AGFG1: variants seen among roughly 807,000 people sequenced by gnomAD.
AGFG1 encodes arf-GAP domain and FG repeat-containing protein 1.
AGFG1 carries 10 observed loss-of-function variants against 60.6 expected under a neutral mutation model. The ratio of observed to expected loss-of-function variants is 0.16; its 90% CI spans 0.10 to 0.28. AGFG1 has a LOEUF of 0.28. AGFG1 is among the 10% of genes least tolerant of loss of function. The pLI is 1.00. For missense variants in AGFG1, 537 were observed against 676.5 expected, an observed-to-expected ratio of 0.79 and a Z score of 2.29; for synonymous variants, 247 against 242.9, an observed-to-expected ratio of 1.02 and a Z score of -0.16.
chr2:227,492,914 C>A (rs980211780), intron 2 of AGFG1, among the ~76,000 whole-genome samples: 2 of 152,072 alleles, frequency 1.3e-5, no homozygotes, highest in African/African-American at 4.8e-5. Context: ...ATTAACTTAA[C>A]ATTGCACACT....
rs1393029311 is a variant in AGFG1 at position 227,556,702 on chromosome 2, T to G, written c.*2207T>G. 2 of 152,600 alleles carry G rather than the reference T, an allele frequency of 1.3e-5. No individual in the cohort carries two copies. Among genetic ancestry groups the G allele is most frequent in the African/African-American group, 4.8e-5 (2 of 41,436 alleles). The allele number at this position is 152,600 out of a possible 1,614,324, so 9.5% of individuals were successfully genotyped here. A position where few individuals can be genotyped will look rare whatever the true frequency, so the allele number is the denominator to read the frequency against. On this transcript the variant is annotated 3_prime_UTR_variant, in exon 13 of 13. Transcript: ENST00000310078. Reference sequence around the variant, plus strand: ...ACTATTTCTTTTTCTGGGTAACTATTGAAGTTTGTAATTAAATGGGGGCTC... The same window carrying G: ...ACTATTTCTTTTTCTGGGTAACTATGGAAGTTTGTAATTAAATGGGGGCTC...
Position 227,559,927 on chromosome 2 carries a change from G to T in AGFG1, c.*5432G>T, listed in dbSNP as rs867118312. On this transcript the variant is annotated 3_prime_UTR_variant, in exon 13 of 13. Transcript: ENST00000310078. Reference sequence around the variant, plus strand: ...TTTGTATGCTATAATATATGCTTATGATTTCTAAAAATTATGCAGTATACA... The same window carrying T: ...TTTGTATGCTATAATATATGCTTATTATTTCTAAAAATTATGCAGTATACA... 7 of 152,210 alleles carry T rather than the reference G, an allele frequency of 4.6e-5. No individual in the cohort carries two copies. The highest frequency in any genetic ancestry group is 3.4e-3 in the Middle Eastern group (1 of 294). The allele number at this position is 152,210 out of a possible 1,614,324, so 9.4% of individuals were successfully genotyped here.
At position 227,555,780 on chromosome 2, in the gene AGFG1, A is replaced by G. The variant is rs1692955982; in HGVS notation, c.*1285A>G. The G allele has an allele frequency of 6.6e-6, 1 of 152,338 alleles. No homozygotes were observed. The highest frequency in any genetic ancestry group is 2.1e-4 in the South Asian group (1 of 4,832). 9.4% of individuals were successfully genotyped at this position (152,338 alleles called of 1,614,324 possible). On this transcript the variant is annotated 3_prime_UTR_variant, in exon 13 of 13. Coordinates refer to ENST00000310078, the MANE Select transcript of AGFG1 (RefSeq NM_004504.5). Reference sequence around the variant, plus strand: ...TAGAGGTAATCTGGCAGTCTTGTGAAAACCGAACACAACTCAGAAACTTGG... The same window carrying G: ...TAGAGGTAATCTGGCAGTCTTGTGAGAACCGAACACAACTCAGAAACTTGG...
intron 2 of AGFG1, among the ~76,000 whole-genome samples, chr2:227,503,778 C>G (rs1691226232): frequency 6.6e-6 from 1 of 152,174 alleles, no homozygotes; most frequent in Admixed American, 6.5e-5. Context: ...ATAAATTGTA[C>G]TTTTCAGGGA....
chr2:227,491,934 C>G (rs571761231), intron 2 of AGFG1, among the ~76,000 whole-genome samples: 36 of 152,166 alleles, frequency 2.4e-4, no homozygotes, highest in African/African-American at 8.4e-4. Flanking sequence ...TGTTAGTCTT[C>G]GCTTCAAAAG....
At position 227,560,183 on chromosome 2, in the gene AGFG1, CATT is replaced by C. The variant is rs1395156039; in HGVS notation, c.*5690_*5692del. On this transcript the variant is annotated 3_prime_UTR_variant, in exon 13 of 13. Transcript: ENST00000310078. ...CCATATTGCCACCTTCCAGCTCTAA[CATT>C]AATGTCTCCAGGATTCCATTATATG... The C allele has an allele frequency of 2.0e-5, 3 of 152,128 alleles. No individual in the cohort carries two copies. Among genetic ancestry groups the C allele is most frequent in the Non-Finnish European group, 4.4e-5 (3 of 67,988 alleles). The allele number at this position is 152,128 out of a possible 1,614,324, so 9.4% of individuals were successfully genotyped here. A position where few individuals can be genotyped will look rare whatever the true frequency, so the allele number is the denominator to read the frequency against.
intron 10 of AGFG1, among the ~76,000 whole-genome samples, chr2:227,548,535 T>C (rs1057183558): frequency 1.3e-5 from 2 of 152,202 alleles, no homozygotes; most frequent in African/African-American, 4.8e-5. Context: ...AGCAAAATTC[T>C]GTGGAAAAGT....
chr2:227,523,260 T>G (rs1691876108), intron 3 of AGFG1, among the ~76,000 whole-genome samples: 1 of 152,252 alleles, frequency 6.6e-6, no homozygotes, highest in Admixed American at 6.5e-5. Flanking sequence ...TCCTGTCTTC[T>G]GTGAATTGCT....
At chr2:227,494,498 A>G (rs1690918828) in intron 2 of AGFG1, among the ~76,000 whole-genome samples, 1 of 152,234 alleles carries the variant, frequency 6.6e-6, no homozygotes, top group Non-Finnish European at 1.5e-5. Context: ...AAGATCAGAA[A>G]GTATATTGGC....
intron 2 of AGFG1, among the ~76,000 whole-genome samples, chr2:227,496,105 T>C (rs1324453288): frequency 8.2e-6 from 1 of 121,976 alleles, no homozygotes; most frequent in African/African-American, 3.2e-5. Flanking sequence ...AGAGTGAGAC[T>C]GTCTCAAAAA....
intron 1 of AGFG1, among the ~76,000 whole-genome samples, chr2:227,476,954 T>G (rs1422192406): frequency 6.7e-6 from 1 of 149,308 alleles, no homozygotes; most frequent in African/African-American, 2.5e-5. Context: ...CAGGCTGGAG[T>G]GCAGTGGTAC....
rs976279320 is a variant in AGFG1, at chr2:227,557,235, G to A, written c.*2740G>A. 4 of 152,152 alleles carry A rather than the reference G, an allele frequency of 2.6e-5. No homozygotes were observed. Among genetic ancestry groups the A allele is most frequent in the Admixed American group, 6.5e-5 (1 of 15,278 alleles). The allele number at this position is 152,152 out of a possible 1,614,324, so 9.4% of individuals were successfully genotyped here. ...TTCAGGATGGCAAACTTTTGACATA[G>A]TTTAAAGACATTTTTTCCCCATTTT... On this transcript the variant is annotated 3_prime_UTR_variant, in exon 13 of 13. Transcript: ENST00000310078.
chr2:227,546,840 T>C (rs1250463254), intron 10 of AGFG1, among the ~76,000 whole-genome samples: 4 of 152,218 alleles, frequency 2.6e-5, no homozygotes, highest in Non-Finnish European at 5.9e-5. Flanking sequence ...TGGATAGTCA[T>C]TATTTCCTAC....
intron 10 of AGFG1, among the ~76,000 whole-genome samples, chr2:227,541,652 T>A (rs1692495191): frequency 6.6e-6 from 1 of 152,238 alleles, no homozygotes; most frequent in Admixed American, 6.5e-5. Flanking sequence ...TTTGTTCTTT[T>A]TGCTTAGGAT....
intron 10 of AGFG1, among the ~76,000 whole-genome samples, chr2:227,537,317 G>A (rs1692343728): frequency 6.6e-6 from 1 of 152,164 alleles, no homozygotes; most frequent in Non-Finnish European, 1.5e-5. Flanking sequence ...CAATTTAGAT[G>A]TATTTGGTGG....
intron 11 of AGFG1, among the ~76,000 whole-genome samples, chr2:227,552,977 G>C (rs966960462): frequency 7.9e-6 from 1 of 125,844 alleles, no homozygotes; most frequent in Non-Finnish European, 1.6e-5. Context: ...TCCAGCTTGG[G>C]TGACAAGAGT....
At chr2:227,514,399 G>A (rs1323348824) in intron 2 of AGFG1, among the ~76,000 whole-genome samples, 1 of 151,988 alleles carries the variant, frequency 6.6e-6, no homozygotes, top group Non-Finnish European at 1.5e-5. Flanking sequence ...TGTGTTCTTA[G>A]TAGAGACGGG....
intron 1 of AGFG1, 61 bp from the exon 2 acceptor site, chr2:227,491,486 A>G: frequency 2.0e-6 from 2 of 1,014,776 alleles, no homozygotes; most frequent in Non-Finnish European, 2.9e-6. Context: ...GAATTACTAG[A>G]TGTGTCATTT....
In AGFG1 at chr2:227,536,783, G is replaced by A. The variant is rs995508271; in HGVS notation, c.1285+79G>A. ...GTGTAGCATTTTCTTAGGAGTCAAA[G>A]CAATGATTTGTTATCAGAATCCTTG... On this transcript the variant is annotated intron_variant, in intron 9 of 12. Coordinates refer to ENST00000310078, the MANE Select transcript of AGFG1 (RefSeq NM_004504.5). 1.2e-5 allele frequency: 19 copies of A among 1,563,190 alleles called. No homozygotes were observed. In the Middle Eastern group the frequency reaches 5.0e-4, roughly 41 times the overall value.
Sources: allele counts gnomAD v4.1 joint callset (sites outside exome capture counted in the v4.1 genomes callset), GRCh38; gene constraint gnomAD v4.1.1; transcripts MANE v1.5; gene names NCBI Gene and HGNC (gene_info 2026-07-23, HGNC 2026-07-21).